Variants in EDC4 observed in about 807,000 individuals in gnomAD.
The protein encoded by EDC4 is enhancer of mRNA decapping 4.
In EDC4, 64 loss-of-function variants were observed where a neutral mutation model predicts 155.8. That is an observed-to-expected ratio of 0.41 (90% CI 0.34 to 0.51). EDC4 has a LOEUF of 0.51. EDC4 is among the 20% of genes least tolerant of loss of function. The pLI is 0.19. For synonymous variants in EDC4, 684 were observed against 716.8 expected (o/e 0.95, Z 0.73); for missense variants, 1,303 against 1,812.5 (o/e 0.72, Z 5.10).
chr16:67,877,762 A>G lies in EDC4; in HGVS notation c.811A>G (p.Met271Val), dbSNP rs763008288. 1.2e-6 allele frequency: 2 copies of G among 1,614,128 alleles called. No individual in the cohort carries two copies. The highest frequency in any genetic ancestry group is 1.1e-5 in the South Asian group (1 of 91,088). Residue 271 changes from methionine to valine, a missense_variant, in exon 7 of 29, where the codon ATG becomes GTG. Around this residue, in one of 5 missense-constraint regions of EDC4, gnomAD observed 235 missense variants for 367.7 expected, o/e 0.64. Coordinates refer to ENST00000358933, the MANE Select transcript of EDC4 (RefSeq NM_014329.5). This position sits in a 1 kb window ranked among gnomAD's most constrained non-coding sequence, Gnocchi z 4.9. Reference sequence around the variant, plus strand: ...CCAGGCTGAGGTGTGGGACCTGGACATGCTCCGCTCCAGCCACAGTACCTG... The same window carrying G: ...CCAGGCTGAGGTGTGGGACCTGGACGTGCTCCGCTCCAGCCACAGTACCTG... ...EDRAEVWDLDMLRSSHSTWPV... is the reference protein window; with the variant it reads ...EDRAEVWDLDVLRSSHSTWPV...
At position 67,875,949 on chromosome 16, in the gene EDC4, C is replaced by G. The variant is rs141873736; in HGVS notation, c.87C>G (p.Pro29=). 1.1e-5 allele frequency: 17 copies of G among 1,613,194 alleles called. No individual in the cohort carries two copies. The African/African-American group carries it at 2.1e-4, about 20-fold the overall frequency. ...ILKLDRPAGG[P]SAESPRPSSA... ...AATGACCCTCTTTGTCCCCAGGCCC[C>G]AGTGCAGAGAGCCCACGGCCATCCA... The change falls in exon 2 of 29, where the codon CCC becomes CCG. Residue 29 remains proline, a synonymous_variant. Transcript: ENST00000358933.
In EDC4 at chr16:67,878,710, C is replaced by T; in HGVS notation, c.1185-27C>T. 1 of 1,614,190 alleles carries T rather than the reference C, an allele frequency of 6.2e-7. No homozygotes were observed. The highest frequency in any genetic ancestry group is 1.1e-5 in the South Asian group (1 of 91,086). On this transcript the variant is annotated intron_variant, in intron 10 of 28. Transcript: ENST00000358933. This position sits in a 1 kb window ranked among gnomAD's most constrained non-coding sequence, Gnocchi z 5.2. Reference sequence around the variant, plus strand: ...TGTAGCTTCCTTCAGTTCTCAGGCTCATTCACTCTGCTTTGTGGCTCTCTA... The same window carrying T: ...TGTAGCTTCCTTCAGTTCTCAGGCTTATTCACTCTGCTTTGTGGCTCTCTA...
Position 67,873,352 on chromosome 16 carries a change from G to A in EDC4, c.82+9G>A. The A allele has an allele frequency of 6.9e-7, 1 of 1,439,958 alleles. No individual in the cohort carries two copies. The highest frequency in any genetic ancestry group is 9.1e-7 in the Non-Finnish European group (1 of 1,101,396). 89.2% of individuals were successfully genotyped at this position (1,439,958 alleles called of 1,614,324 possible). A position where few individuals can be genotyped will look rare whatever the true frequency, so the allele number is the denominator to read the frequency against. On this transcript the variant is annotated intron_variant, in intron 1 of 28. Coordinates refer to ENST00000358933, the MANE Select transcript of EDC4 (RefSeq NM_014329.5). The stretch of plus-strand genomic sequence containing the variant: ...GGACCGGCCCGCGGGCGGTGAGCGG[G>A]GGTTGCGGGGGTGGGCCCCAGGCGA...
At position 67,881,027 on chromosome 16, in the gene EDC4, A is replaced by T; in HGVS notation, c.2531+37A>T. On this transcript the variant is annotated intron_variant, in intron 18 of 28. Transcript: ENST00000358933. The surrounding 1 kb of genome is among the most constrained non-coding windows in gnomAD (Gnocchi z 5.4). ...GGGAGGGGAAAAGTGTGCTAGCAGG[A>T]GGGGCTTCAGATAGATTCATCCATG... The T allele has an allele frequency of 3.1e-6, 5 of 1,613,812 alleles. No homozygotes were observed. The highest frequency in any genetic ancestry group is 3.4e-6 in the Non-Finnish European group (4 of 1,179,938).
Position 67,881,831 on chromosome 16 carries a change from G to C in EDC4, c.2990G>C (p.Arg997Pro). The change falls in exon 22 of 29, where the codon CGG (arginine) becomes CCG (proline). Residue 997 changes from arginine (R) to proline (P), a missense_variant. This residue lies in a region of EDC4 where 527 missense variants were observed against 757.0 expected (regional missense o/e 0.70). Transcript: ENST00000358933. This position sits in a 1 kb window ranked among gnomAD's most constrained non-coding sequence, Gnocchi z 5.4. ...CACGTAGAACGTGCCCTTGAGACTCGGCACGAGCAGGAACGTATCCTTGAG... is the reference window on the plus strand; with the variant it reads ...CACGTAGAACGTGCCCTTGAGACTCCGCACGAGCAGGAACGTATCCTTGAG... ...TGHVERALET[R>P]HEQEQRRLER... is the part of the protein sequence containing the mutation. 1 of 1,613,498 alleles carries C rather than the reference G, an allele frequency of 6.2e-7. No homozygotes were observed. Among genetic ancestry groups the C allele is most frequent in the Non-Finnish European group, 8.5e-7 (1 of 1,179,488 alleles).
Position 67,882,108 on chromosome 16 carries a change from A to G in EDC4, c.3159A>G (p.Pro1053=). The G allele has an allele frequency of 1.9e-6, 3 of 1,613,862 alleles. No individual in the cohort carries two copies. Among genetic ancestry groups the G allele is most frequent in the East Asian group, 2.2e-5 (1 of 44,884 alleles). Residue 1053 remains proline (P), a splice_region_variant and synonymous_variant, in exon 23 of 29, where the codon CCA becomes CCG. Transcript: ENST00000358933. The surrounding 1 kb of genome is among the most constrained non-coding windows in gnomAD (Gnocchi z 7.2). ...ATGAGATCAAGAAGACAGTCCCTCC[A>G]TGTGAGTTTTGCATGCAGACTCCCT... ...IRDEIKKTVP[P]CVSRSLEPMA...
Position 67,883,516 on chromosome 16 carries a change from G to C in EDC4, c.3850-52G>C. The C allele has an allele frequency of 6.2e-7, 1 of 1,600,740 alleles. No individual in the cohort carries two copies. The highest frequency in any genetic ancestry group is 1.7e-5 in the Admixed American group (1 of 59,898). ...CCAGGCCACACAGTTCAGACAAGCA[G>C]ACATTCCATCCTGATATTTGCTATA... On this transcript the variant is annotated intron_variant, in intron 27 of 28. Coordinates refer to ENST00000358933, the MANE Select transcript of EDC4 (RefSeq NM_014329.5). This position sits in a 1 kb window ranked among gnomAD's most constrained non-coding sequence, Gnocchi z 5.3.
chr16:67,878,383 A>C lies in EDC4; in HGVS notation c.1028A>C (p.His343Pro). The C allele has an allele frequency of 6.2e-7, 1 of 1,614,198 alleles. No homozygotes were observed. The highest frequency in any genetic ancestry group is 2.2e-5 in the East Asian group (1 of 44,876). ...EPRCLHEWKP[H>P]DGRPLSCLLF... is the part of the protein sequence containing the mutation. ...AGGTGTCTGCACGAGTGGAAACCTC[A>C]TGATGGGCGGCCCCTCTCCTGCCTC... is the stretch of plus-strand genomic sequence containing the variant. The change falls in exon 9 of 29, where the codon CAT (histidine) becomes CCT (proline). Residue 343 changes from histidine to proline, a missense_variant. This residue lies in a region of EDC4 where 235 missense variants were observed against 367.7 expected (regional missense o/e 0.64). Transcript: ENST00000358933. The surrounding 1 kb of genome is among the most constrained non-coding windows in gnomAD (Gnocchi z 5.2).
intron 1 of EDC4, 161 bp downstream of exon 1, chr16:67,873,504 C>A (rs1289410876): frequency 5.7e-6 from 3 of 530,406 alleles, no homozygotes; most frequent in Non-Finnish European, 6.3e-6. Context: ...GGGCGCAGAC[C>A]CCTGGGTGTG....
In EDC4 at chr16:67,883,501, C is replaced by T. The variant is rs1018798563; in HGVS notation, c.3850-67C>T. On this transcript the variant is annotated intron_variant, in intron 27 of 28. Coordinates refer to ENST00000358933, the MANE Select transcript of EDC4 (RefSeq NM_014329.5). The surrounding 1 kb of genome is among the most constrained non-coding windows in gnomAD (Gnocchi z 5.3). ...TGTGGTCATCCTCCCCCAGGCCACACAGTTCAGACAAGCAGACATTCCATC... is the reference window on the plus strand; with the variant it reads ...TGTGGTCATCCTCCCCCAGGCCACATAGTTCAGACAAGCAGACATTCCATC... 1 of 1,587,498 alleles carries T rather than the reference C, an allele frequency of 6.3e-7. No homozygotes were observed. The highest frequency in any genetic ancestry group is 1.3e-5 in the African/African-American group (1 of 74,892).
rs759987311 is a variant in EDC4, at chr16:67,882,524, G to C, written c.3372G>C (p.Pro1124=). Residue 1124 remains proline (P), a synonymous_variant, in exon 25 of 29, where the codon CCG becomes CCC. Coordinates refer to ENST00000358933, the MANE Select transcript of EDC4 (RefSeq NM_014329.5). This position sits in a 1 kb window ranked among gnomAD's most constrained non-coding sequence, Gnocchi z 7.2. ...AAGCCTTCCAGAGTGTGGTGCTGCC[G>C]GCCTTTGAGAAGAGCTGCCAGGCCA... is the stretch of plus-strand genomic sequence containing the variant. ...YREAFQSVVL[P]AFEKSCQAMF... 4 of 1,614,098 alleles carry C rather than the reference G, an allele frequency of 2.5e-6. No individual in the cohort carries two copies. The African/African-American group carries it at 5.3e-5, about 22-fold the overall frequency.
Position 67,881,558 on chromosome 16 carries a change from C to A in EDC4, c.2826+25C>A, listed in dbSNP as rs772047442. The A allele has an allele frequency of 6.2e-7, 1 of 1,613,690 alleles. No individual in the cohort carries two copies. Among genetic ancestry groups the A allele is most frequent in the Non-Finnish European group, 8.5e-7 (1 of 1,180,006 alleles). On this transcript the variant is annotated intron_variant, in intron 21 of 28. Coordinates refer to ENST00000358933, the MANE Select transcript of EDC4 (RefSeq NM_014329.5). This position sits in a 1 kb window ranked among gnomAD's most constrained non-coding sequence, Gnocchi z 5.4. The stretch of plus-strand genomic sequence containing the variant: ...GGTAAGTGAATGAGCCCACTTTGTA[C>A]TTGTGGAACTTCACCCTGGGCGGGT...
At position 67,880,125 on chromosome 16, in the gene EDC4, G is replaced by A; in HGVS notation, c.2006G>A (p.Ser669Asn). The A allele has an allele frequency of 6.2e-7, 1 of 1,613,036 alleles. No individual in the cohort carries two copies. Among genetic ancestry groups the A allele is most frequent in the Non-Finnish European group, 8.5e-7 (1 of 1,179,652 alleles). The change falls in exon 17 of 29, where the codon AGC (serine) becomes AAC (asparagine). Residue 669 changes from serine (S) to asparagine (N), a missense_variant. Physicochemically the swap from Ser to Asn is conservative, Grantham distance 46. Around this residue, in one of 5 missense-constraint regions of EDC4, gnomAD observed 391 missense variants for 445.4 expected, o/e 0.88. Transcript: ENST00000358933. The surrounding 1 kb of genome is among the most constrained non-coding windows in gnomAD (Gnocchi z 5.2). ...CTGGATGGCAGCCTGACAATGAGCA[G>A]CAGTGGCAGCCTTCAGGCAAGCCCG... ...LQLDGSLTMS[S>N]SGSLQASPRG... is the part of the protein sequence containing the mutation.
chr16:67,875,903 C>T (rs1477002773), intron 1 of EDC4, 42 bp from the exon 2 acceptor site: 2 of 1,590,130 alleles, frequency 1.3e-6, no homozygotes, highest in Non-Finnish European at 1.7e-6. Flanking sequence ...GGCTTGTGGG[C>T]AGGTCGAGCA....
Position 67,878,347 on chromosome 16 carries a change from T to C in EDC4, c.1005-13T>C. ...CGACCACTCACTCAGGCCCCTCATCTGCCTACCTGCAGGTGTCTGCACGAG... is the reference window on the plus strand; with the variant it reads ...CGACCACTCACTCAGGCCCCTCATCCGCCTACCTGCAGGTGTCTGCACGAG... On this transcript the variant is annotated splice_polypyrimidine_tract_variant and intron_variant, in intron 8 of 28. Coordinates refer to ENST00000358933, the MANE Select transcript of EDC4 (RefSeq NM_014329.5). This position sits in a 1 kb window ranked among gnomAD's most constrained non-coding sequence, Gnocchi z 5.2. The C allele has an allele frequency of 6.2e-7, 1 of 1,614,224 alleles. No individual in the cohort carries two copies. The highest frequency in any genetic ancestry group is 8.5e-7 in the Non-Finnish European group (1 of 1,180,044).
In EDC4 at chr16:67,880,963, G is replaced by A. The variant is rs377440186; in HGVS notation, c.2504G>A (p.Arg835His). Residue 835 changes from arginine to histidine, a missense_variant, in exon 18 of 29, where the codon CGT (arginine) becomes CAT (histidine). By Grantham distance (29) the Arg-to-His change is conservative. Transcript: ENST00000358933. This position sits in a 1 kb window ranked among gnomAD's most constrained non-coding sequence, Gnocchi z 5.2. ...TGGCCCACAGCACCTGACATTACTCGTGAGACCTGCAGCACCCTGGCAGAA... is the reference window on the plus strand; with the variant it reads ...TGGCCCACAGCACCTGACATTACTCATGAGACCTGCAGCACCCTGGCAGAA... ...QVWPTAPDIT[R>H]ETCSTLAESP... 5.0e-6 allele frequency: 8 copies of A among 1,613,682 alleles called. No homozygotes were observed. The highest frequency in any genetic ancestry group is 2.2e-5 in the East Asian group (1 of 44,892).
intron 1 of EDC4, among the ~76,000 whole-genome samples, chr16:67,874,420 C>T (rs2058033924): frequency 6.6e-6 from 1 of 152,190 alleles, no homozygotes; most frequent in Non-Finnish European, 1.5e-5. Context: ...TCAGAAAATC[C>T]ATCTGCTGCC....
rs1157715858 is a variant in EDC4, at chr16:67,876,523, G to A, written c.275G>A (p.Gly92Glu). 1.2e-6 allele frequency: 2 copies of A among 1,614,006 alleles called. No homozygotes were observed. Among genetic ancestry groups the A allele is most frequent in the African/African-American group, 2.7e-5 (2 of 74,922 alleles). ...GGAGATGATAGCTCCACCTGCATTG[G>A]GATTTTGGCCAAGGAGGTGGAGATT... is the stretch of plus-strand genomic sequence containing the variant. ...LSGDDSSTCI[G>E]ILAKEVEIVA... The change falls in exon 3 of 29, where the codon GGG becomes GAG. Residue 92 changes from glycine to glutamate, a missense_variant. By Grantham distance (98) the Gly-to-Glu change is moderately conservative. Around this residue, in one of 5 missense-constraint regions of EDC4, gnomAD observed 51 missense variants for 121.1 expected, o/e 0.42. Transcript: ENST00000358933. The surrounding 1 kb of genome is among the most constrained non-coding windows in gnomAD (Gnocchi z 5.8).
rs2151304362 is a variant in EDC4, at chr16:67,876,671, G to A, written c.351+72G>A. The stretch of plus-strand genomic sequence containing the variant: ...CAGCCTTTCCAGTCTCCCTCATGCT[G>A]CCAGTTCCTATGGGGACCACCTTGA... On this transcript the variant is annotated intron_variant, in intron 3 of 28. Coordinates refer to ENST00000358933, the MANE Select transcript of EDC4 (RefSeq NM_014329.5). The surrounding 1 kb of genome is among the most constrained non-coding windows in gnomAD (Gnocchi z 5.8). The A allele has an allele frequency of 6.3e-7, 1 of 1,587,398 alleles. No homozygotes were observed. Among genetic ancestry groups the A allele is most frequent in the South Asian group, 1.1e-5 (1 of 88,622 alleles).
Sources: gnomAD v4.1 joint callset for allele counts (sites outside exome capture counted in the v4.1 genomes callset) on GRCh38, gnomAD v4.1.1 for gene constraint, gnomAD v4.1.1 regional missense constraint, Gnocchi (gnomAD v3.1) non-coding constraint, MANE v1.5 for transcripts, NCBI Gene and HGNC (gene_info 2026-07-23, HGNC 2026-07-21) for gene names.